The following FBN1 variants were observed in gnomAD, a reference collection of about 807,000 sequenced individuals.
FBN1 encodes fibrillin 1.
A neutral mutation model predicts 365.1 loss-of-function variants in FBN1; 29 were observed. That is an observed-to-expected ratio of 0.08 (90% CI 0.06 to 0.11). The LOEUF (loss-of-function observed/expected upper bound fraction) is 0.11, where lower values mean the gene tolerates loss of function less well. FBN1 is among the 10% of genes least tolerant of loss of function. The pLI, the probability that FBN1 is intolerant of heterozygous loss-of-function variation, is 1.00. For missense variants in FBN1, 2,476 were observed against 3,703.2 expected, an observed-to-expected ratio of 0.67 and a Z score of 8.60; for synonymous variants, 1,210 against 1,270.5, an observed-to-expected ratio of 0.95 and a Z score of 1.01.
chr15:48,623,857 C>T (rs1597639987), intron 2 of FBN1, among the ~76,000 whole-genome samples: 1 of 152,026 alleles, frequency 6.6e-6, no homozygotes, highest in African/African-American at 2.4e-5. Context: ...AAAGCAATAG[C>T]CCAAGAACTT....
intron 19 of FBN1, among the ~76,000 whole-genome samples, chr15:48,496,462 T>C (rs1014947591): frequency 1.3e-4 from 20 of 152,212 alleles, no homozygotes; most frequent in Admixed American, 6.5e-4. Flanking sequence ...GTCACTAGGC[T>C]ATTTAATTCA....
At chr15:48,475,274 T>C (rs2043410295) in intron 32 of FBN1, among the ~76,000 whole-genome samples, 2 of 152,180 alleles carry the variant, frequency 1.3e-5, no homozygotes, top group South Asian at 4.1e-4. Flanking sequence ...CCTAGCACAT[T>C]GGAGAGCCAA....
At chr15:48,462,964 T>C in intron 42 of FBN1, 118 bp downstream of exon 42, 1 of 1,035,864 alleles carries the variant, frequency 9.7e-7, no homozygotes, top group Admixed American at 1.8e-5. Context: ...TGAGCCGTTT[T>C]TTTCCCTGTA....
intron 9 of FBN1, among the ~76,000 whole-genome samples, chr15:48,524,751 C>T (rs1762791905): frequency 6.6e-6 from 1 of 152,146 alleles, no homozygotes; most frequent in Non-Finnish European, 1.5e-5. Context: ...TATCTAACCT[C>T]TCTCAATCTC....
At chr15:48,554,669 A>T (rs957034257) in intron 6 of FBN1, among the ~76,000 whole-genome samples, 2 of 152,212 alleles carry the variant, frequency 1.3e-5, no homozygotes, top group African/African-American at 4.8e-5. Flanking sequence ...TAACTAACAC[A>T]TACATGACAT....
chr15:48,515,520 C>A lies in FBN1; in HGVS notation c.1335G>T (p.Leu445=). 6.2e-7 allele frequency: 1 copy of A among 1,613,928 alleles called. No homozygotes were observed. The highest frequency in any genetic ancestry group is 8.5e-7 in the Non-Finnish European group (1 of 1,179,864). The part of the protein sequence containing the change: ...LYPSREPPRV[L]PVNVTDYCQL... ...GGCAGTAATCAGTAACGTTTACTGGCAGCACCCCTAGAAGAACATTAAGCC... is the reference window on the plus strand; with the variant it reads ...GGCAGTAATCAGTAACGTTTACTGGAAGCACCCCTAGAAGAACATTAAGCC... The change falls in exon 12 of 66, where the codon CTG becomes CTT. Residue 445 remains leucine (L), a synonymous_variant. Transcript: ENST00000316623.
chr15:48,486,598 T>C (rs1164237860), intron 29 of FBN1, among the ~76,000 whole-genome samples: 1 of 152,206 alleles, frequency 6.6e-6, no homozygotes, highest in Non-Finnish European at 1.5e-5. Flanking sequence ...TTCTTTCCAA[T>C]AGTTATTTTT....
intron 6 of FBN1, among the ~76,000 whole-genome samples, chr15:48,575,128 T>C (rs2044335249): frequency 6.6e-6 from 1 of 152,018 alleles, no homozygotes; most frequent in Non-Finnish European, 1.5e-5. Context: ...AAGACAGGAG[T>C]ATTCTTTCAG....
intron 15 of FBN1, among the ~76,000 whole-genome samples, chr15:48,505,349 T>C (rs546543602): frequency 6.6e-6 from 1 of 152,330 alleles, no homozygotes; most frequent in Admixed American, 6.5e-5. Context: ...TGGAACTTAT[T>C]TTCCATAAAA....
At chr15:48,593,432 T>C (rs1162723576) in intron 6 of FBN1, among the ~76,000 whole-genome samples, 1 of 152,200 alleles carries the variant, frequency 6.6e-6, no homozygotes, top group African/African-American at 2.4e-5. Context: ...TTCCTCCTTT[T>C]TGCATCCCTG....
intron 6 of FBN1, among the ~76,000 whole-genome samples, chr15:48,588,400 G>C (rs955961214): frequency 6.6e-6 from 1 of 152,086 alleles, no homozygotes; most frequent in Non-Finnish European, 1.5e-5. Context: ...CTGTTCTACT[G>C]TTTGAACATC....
At chr15:48,621,533 A>C (rs1229812221) in intron 2 of FBN1, among the ~76,000 whole-genome samples, 7 of 152,240 alleles carry the variant, frequency 4.6e-5, no homozygotes, top group Non-Finnish European at 8.8e-5. Flanking sequence ...CATTAAAACA[A>C]GGAAAGTCTG....
intron 3 of FBN1, among the ~76,000 whole-genome samples, 163 bp downstream of exon 3, chr15:48,612,847 G>A (rs1233537581): frequency 1.3e-5 from 2 of 152,190 alleles, no homozygotes; most frequent in African/African-American, 4.8e-5. Flanking sequence ...TGACCAAGTT[G>A]ATGTATTTCC....
At chr15:48,559,770 A>C (rs1317833310) in intron 6 of FBN1, among the ~76,000 whole-genome samples, 4 of 152,208 alleles carry the variant, frequency 2.6e-5, no homozygotes, top group African/African-American at 4.8e-5. Flanking sequence ...ACGATAGAGG[A>C]AAGTTTTCAT....
chr15:48,487,028 A>C (rs202116444), intron 29 of FBN1, 47 bp downstream of exon 29: 27 of 1,288,066 alleles, frequency 2.1e-5, no homozygotes, highest in South Asian at 1.5e-4. Context: ...CATAACATAA[A>C]ATAAAGTAAA....
At chr15:48,413,619 A>T (rs2042880812) in intron 64 of FBN1, among the ~76,000 whole-genome samples, 1 of 152,218 alleles carries the variant, frequency 6.6e-6, no homozygotes, top group Non-Finnish European at 1.5e-5. Flanking sequence ...AAATGTGTTG[A>T]AACATTTGAA....
intron 24 of FBN1, among the ~76,000 whole-genome samples, chr15:48,491,852 G>A (rs1481661669): frequency 6.6e-6 from 1 of 152,182 alleles, no homozygotes; most frequent in Non-Finnish European, 1.5e-5. Flanking sequence ...TGAGATGTGC[G>A]ATCTCAAACT....
chr15:48,501,594 A>G (rs1461183484), intron 17 of FBN1, among the ~76,000 whole-genome samples: 1 of 152,248 alleles, frequency 6.6e-6, no homozygotes, highest in African/African-American at 2.4e-5. Context: ...ATAAACCCAC[A>G]TAATTTCCCT....
rs1383720132 is a variant in FBN1, at chr15:48,410,816, AACT to A, written c.*171_*173del. On this transcript the variant is annotated 3_prime_UTR_variant, in exon 66 of 66. Coordinates refer to ENST00000316623, the MANE Select transcript of FBN1 (RefSeq NM_000138.5). ...GAAGCCTGAGAAAGTGGTTGTTTTG[AACT>A]AGGGTAGTCACCTGTACCTTGCTTT... 3 of 641,810 alleles carry A rather than the reference AACT, an allele frequency of 4.7e-6. No homozygotes were observed. The highest frequency in any genetic ancestry group is 7.9e-6 in the Non-Finnish European group (3 of 378,700). 39.8% of individuals were successfully genotyped at this position (641,810 alleles called of 1,614,324 possible).
Sources: allele counts gnomAD v4.1 joint callset (sites outside exome capture counted in the v4.1 genomes callset), GRCh38; gene constraint gnomAD v4.1.1; transcripts MANE v1.5; gene names NCBI Gene and HGNC (gene_info 2026-07-23, HGNC 2026-07-21).